The following TIAM2 variants were observed in gnomAD, a reference collection of about 807,000 sequenced individuals.
TIAM2 encodes TIAM Rac1 associated GEF 2, also known as rho guanine nucleotide exchange factor TIAM2.
Under a neutral mutation model 152.9 loss-of-function variants are expected in TIAM2, and 80 were observed. That is an observed-to-expected ratio of 0.52 (90% confidence interval 0.44 to 0.63). TIAM2 has a LOEUF of 0.63. TIAM2 is among the 30% of genes least tolerant of loss of function. The probability of loss-of-function intolerance (pLI) is 0.00; values close to 1 mark genes in which losing one functional copy is unlikely to be tolerated. For synonymous variants in TIAM2, 804 were observed against 838.0 expected (o/e 0.96, Z 0.70); for missense variants, 1,965 against 2,120.1 (o/e 0.93, Z 1.44).
At chr6:155,037,490 A>G (rs1776944073) in intron 1 of TIAM2, among the ~76,000 whole-genome samples, 1 of 152,028 alleles carries the variant, frequency 6.6e-6, no homozygotes, top group African/African-American at 2.4e-5. Context: ...GCAGGTCAGC[A>G]TGAATAGTTT....
intron 15 of TIAM2, among the ~76,000 whole-genome samples, chr6:155,231,863 T>C (rs1370461124): frequency 6.6e-6 from 1 of 152,134 alleles, no homozygotes; most frequent in Non-Finnish European, 1.5e-5. Context: ...TCACCTGAGG[T>C]CAGGAGTTTG....
rs1466927643 is a variant in TIAM2, at chr6:155,182,284, C to T, written c.2766C>T (p.Ser922=). Residue 922 remains serine, a synonymous_variant, in exon 13 of 27, where the codon AGC becomes AGT. Coordinates refer to ENST00000682666, the MANE Select transcript of TIAM2 (RefSeq NM_012454.4). Reference sequence around the variant, plus strand: ...AGCATCTCAGCCGGATATTTATAAGCGACGTTCTTCCCGATGGCCTGGCGT... The same window carrying T: ...AGCATCTCAGCCGGATATTTATAAGTGACGTTCTTCCCGATGGCCTGGCGT... ...ERQHLSRIFI[S]DVLPDGLAYG... 6.2e-6 allele frequency: 10 copies of T among 1,614,048 alleles called. No individual in the cohort carries two copies. The highest frequency in any genetic ancestry group is 4.5e-5 in the East Asian group (2 of 44,898).
chr6:155,039,262 T>C (rs1219212533), intron 1 of TIAM2, among the ~76,000 whole-genome samples: 2 of 151,946 alleles, frequency 1.3e-5, no homozygotes, highest in African/African-American at 4.8e-5. Flanking sequence ...TGCCTGAACC[T>C]GTCTCTTAAA....
intron 1 of TIAM2, among the ~76,000 whole-genome samples, chr6:155,042,706 A>G (rs961190836): frequency 6.6e-6 from 1 of 152,208 alleles, no homozygotes; most frequent in Non-Finnish European, 1.5e-5. Flanking sequence ...TTATACATAT[A>G]TATACATACA....
chr6:155,028,370 T>C (rs1235399922), intron 1 of TIAM2, among the ~76,000 whole-genome samples: 1 of 125,666 alleles, frequency 8.0e-6, no homozygotes, highest in Non-Finnish European at 1.6e-5. Flanking sequence ...ACATATAATA[T>C]ATATACTGTG....
chr6:155,031,649 G>A (rs570359793), intron 1 of TIAM2, among the ~76,000 whole-genome samples: 2 of 152,280 alleles, frequency 1.3e-5, no homozygotes, highest in East Asian at 3.9e-4. Context: ...ACCTGAGTCC[G>A]GGAGGAGGAT....
At chr6:155,102,042 G>A (rs1778562505) in intron 2 of TIAM2, among the ~76,000 whole-genome samples, 2 of 151,146 alleles carry the variant, frequency 1.3e-5, no homozygotes, top group South Asian at 4.2e-4. Context: ...GCCCAGGCTG[G>A]AGTAAGTGCA....
intron 2 of TIAM2, among the ~76,000 whole-genome samples, chr6:155,106,341 A>G (rs972523451): frequency 6.6e-6 from 1 of 152,080 alleles, no homozygotes; most frequent in African/African-American, 2.4e-5. Flanking sequence ...GTCTTTCATC[A>G]AAGGATATAG....
intron 15 of TIAM2, among the ~76,000 whole-genome samples, chr6:155,226,883 T>A (rs1782267578): frequency 6.6e-6 from 1 of 152,144 alleles, no homozygotes; most frequent in African/African-American, 2.4e-5. Flanking sequence ...CCAGGGCAAG[T>A]CAAGCTGTTT....
chr6:155,198,695 TTAA>T (rs1781409758), intron 14 of TIAM2, among the ~76,000 whole-genome samples: 1 of 122,120 alleles, frequency 8.2e-6, no homozygotes, highest in African/African-American at 3.2e-5. Context: ...AAAAAATCTC[TTAA>T]TGAAAGTTAA....
At position 155,138,656 on chromosome 6, in the gene TIAM2, A is replaced by G. The variant is rs372013268; in HGVS notation, c.1630+1044A>G. Among the ~76,000 whole-genome samples the G allele has an allele frequency of 8.5e-5, 13 of 152,116 alleles. No homozygotes were observed. In the East Asian group the frequency reaches 1.9e-3, roughly 23 times the overall value. On this transcript the variant is annotated intron_variant, in intron 5 of 26. Coordinates refer to ENST00000682666, the MANE Select transcript of TIAM2 (RefSeq NM_012454.4). ...TGTGTCCATGTGTTCTCATTGTTCA[A>G]TTCCCACCTATGAGTGAGAACATGC...
rs1368663271 is a variant in TIAM2 at position 155,213,666 on chromosome 6, A to G, written c.3168+2359A>G. Among the ~76,000 whole-genome samples the G allele has an allele frequency of 2.0e-5, 3 of 152,174 alleles. No individual in the cohort carries two copies. Among genetic ancestry groups the G allele is most frequent in the Non-Finnish European group, 4.4e-5 (3 of 68,036 alleles). ...GGGGACCCACTCCTTTCCACCCAGG[A>G]GCCTGTCTGCGTCCTGCCACTCTTC... On this transcript the variant is annotated intron_variant, in intron 15 of 26. Coordinates refer to ENST00000682666, the MANE Select transcript of TIAM2 (RefSeq NM_012454.4). The surrounding 1 kb of genome is among the most constrained non-coding windows in gnomAD (Gnocchi z 4.2).
chr6:155,244,891 C>CAATAAATAGTCAA, intron 18 of TIAM2, 108 bp downstream of exon 18: 1 of 1,315,306 alleles, frequency 7.6e-7, no homozygotes, highest in Non-Finnish European at 1.0e-6. Flanking sequence ...TGACTATTGA[C>CAATAAATAGTCAA]TATTTATTGT....
chr6:155,028,554 AATAT>A (rs1238846699), intron 1 of TIAM2, among the ~76,000 whole-genome samples: 8 of 134,830 alleles, frequency 5.9e-5, no homozygotes, highest in African/African-American at 2.0e-4. Context: ...TACTACATAT[AATAT>A]ATATATACTG....
chr6:155,202,000 G>A (rs1187637434), intron 14 of TIAM2, among the ~76,000 whole-genome samples: 1 of 150,104 alleles, frequency 6.7e-6, no homozygotes, highest in East Asian at 1.9e-4. Flanking sequence ...CATTCAGACT[G>A]CTGCTTTGAA....
At chr6:155,160,538 G>A (rs938840586) in intron 7 of TIAM2, among the ~76,000 whole-genome samples, 2 of 152,236 alleles carry the variant, frequency 1.3e-5, no homozygotes, top group Non-Finnish European at 1.5e-5. Context: ...CCATTACGCG[G>A]GTGGATCGCT....
intron 23 of TIAM2, 121 bp from the exon 24 acceptor site, chr6:155,252,827 A>C: frequency 1.2e-6 from 1 of 808,206 alleles, no homozygotes; most frequent in East Asian, 2.6e-5. Flanking sequence ...TGCCCTGAAC[A>C]CCCACATGGC....
At chr6:155,089,589 A>G (rs865870844) in intron 1 of TIAM2, among the ~76,000 whole-genome samples, 1 of 152,284 alleles carries the variant, frequency 6.6e-6, no homozygotes, top group South Asian at 2.1e-4. Context: ...ACAATGGCTC[A>G]AGACATGGTG....
intron 1 of TIAM2, among the ~76,000 whole-genome samples, chr6:155,047,078 T>A (rs9384272): frequency 0.52 from 79,563 of 152,070 alleles, 20,899 homozygotes; most frequent in African/African-American, 0.55. Context: ...TGTGCTTTTT[T>A]AATCCCGCCT....
Sources: allele counts gnomAD v4.1 joint callset (sites outside exome capture counted in the v4.1 genomes callset), GRCh38; gene constraint gnomAD v4.1.1; non-coding constraint Gnocchi (gnomAD v3.1); transcripts MANE v1.5; gene names NCBI Gene and HGNC (gene_info 2026-07-23, HGNC 2026-07-21).